The following MXD3 variants were observed in gnomAD, a reference collection of about 807,000 sequenced individuals.
MXD3 encodes MAX dimerization protein 3.
A neutral mutation model predicts 27.5 loss-of-function variants in MXD3; 20 were observed. The ratio of observed to expected loss-of-function variants is 0.73; its 90% CI spans 0.51 to 1.06. The LOEUF is 1.06. MXD3 is among the 50% of genes least tolerant of loss of function. MXD3 has a pLI of 0.00. For synonymous variants in MXD3, 150 were observed against 130.7 expected, an observed-to-expected ratio of 1.15 and a Z score of -1.01; for missense variants, 298 against 291.3, an observed-to-expected ratio of 1.02 and a Z score of -0.17.
chr5:177,307,235 T>A lies in MXD3; in HGVS notation c.*353A>T. Reference sequence around the variant, plus strand: ...TTATGAAAGAGGCTTTTAATGAAAATACTGTACAGTTTATGTGAGGCAAAG... The same window carrying A: ...TTATGAAAGAGGCTTTTAATGAAAAAACTGTACAGTTTATGTGAGGCAAAG... On this transcript the variant is annotated 3_prime_UTR_variant, in exon 6 of 6. Coordinates refer to ENST00000439742, the MANE Select transcript of MXD3 (RefSeq NM_031300.4). 4 of 1,551,670 alleles carry A rather than the reference T, an allele frequency of 2.6e-6. No individual in the cohort carries two copies. Among genetic ancestry groups the A allele is most frequent in the Non-Finnish European group, 3.5e-6 (4 of 1,146,970 alleles).
upstream of MXD3, chr5:177,312,706 A>G (rs77769272): frequency 3.7e-3 from 3,618 of 985,470 alleles, 97 homozygotes; most frequent in African/African-American, 0.054. Flanking sequence ...TCAGTGGGGT[A>G]ACAGCTTCCT....
downstream of MXD3, chr5:177,306,630 C>T (rs779506582): frequency 6.4e-7 from 1 of 1,555,864 alleles, no homozygotes; most frequent in South Asian, 1.2e-5. Context: ...GCCCTCCCTT[C>T]ATTGTACTTT....
At chr5:177,312,109 C>T, upstream of MXD3, 1 of 1,131,866 alleles carries the variant, frequency 8.8e-7, no homozygotes, top group Non-Finnish European at 1.1e-6. Context: ...TGGAGCGAAC[C>T]CTCAGGCTAA....
downstream of MXD3, chr5:177,306,744 C>G (rs1263919706): frequency 1.8e-6 from 2 of 1,094,388 alleles, no homozygotes; most frequent in Non-Finnish European, 2.6e-6. Flanking sequence ...CATGTCTGAG[C>G]CAGGTCTGCT....
At chr5:177,312,321 T>C (rs1761058246), upstream of MXD3, 1 of 986,526 alleles carries the variant, frequency 1.0e-6, no homozygotes, top group African/African-American at 1.7e-5. Flanking sequence ...CGCTCGCCCA[T>C]TCGCACATGG....
chr5:177,312,136 C>T (rs1253802442), upstream of MXD3: 38 of 1,078,544 alleles, frequency 3.5e-5, no homozygotes, highest in Non-Finnish European at 4.2e-5. Context: ...CTGCTTCTTG[C>T]CCGCCTCACT....
downstream of MXD3, chr5:177,305,902 A>T: frequency 1.2e-6 from 2 of 1,614,036 alleles, no homozygotes; most frequent in Non-Finnish European, 1.7e-6. Flanking sequence ...TACTGTGTGA[A>T]CTCTGACAAC....
At chr5:177,311,091 G>C (rs1329658921) in intron 2 of MXD3, 1 of 539,982 alleles carries the variant, frequency 1.9e-6, no homozygotes, top group Non-Finnish European at 3.3e-6. Context: ...GAAGCCAGCG[G>C]GGGAGGTGAG....
chr5:177,307,717 G>A lies in MXD3; in HGVS notation c.506-14C>T, dbSNP rs1448606880. On this transcript the variant is annotated splice_polypyrimidine_tract_variant and intron_variant, in intron 5 of 5. Transcript: ENST00000439742. ...CCTCCAGCTCCTCTGCGCGGGGAGG[G>A]GTCCGGTCAGAAGACCTGGCTCGCC... The A allele has an allele frequency of 1.2e-6, 2 of 1,613,620 alleles. No homozygotes were observed. The highest frequency in any genetic ancestry group is 1.3e-5 in the African/African-American group (1 of 74,936).
Position 177,311,370 on chromosome 5 carries a change from C to G in MXD3, c.176+9G>C. On this transcript the variant is annotated intron_variant, in intron 2 of 5. Transcript: ENST00000439742. Reference sequence around the variant, plus strand: ...CCACCCCCACTCCCGCCGCCCCCGGCCTCCTCACCGCCCGCTGTCCTGCGC... The same window carrying G: ...CCACCCCCACTCCCGCCGCCCCCGGGCTCCTCACCGCCCGCTGTCCTGCGC... 2 of 1,432,512 alleles carry G rather than the reference C, an allele frequency of 1.4e-6. No homozygotes were observed. Among genetic ancestry groups the G allele is most frequent in the East Asian group, 3.0e-5 (1 of 33,400 alleles). The allele number at this position is 1,432,512 out of a possible 1,614,324, so 88.7% of individuals were successfully genotyped here.
chr5:177,308,049 G>A (rs1191534919), intron 4 of MXD3, 85 bp from the exon 5 acceptor site: 14 of 1,279,698 alleles, frequency 1.1e-5, no homozygotes, highest in Admixed American at 5.8e-5. Flanking sequence ...ACCGGGCCAC[G>A]GCCACAGGGC....
At position 177,307,307 on chromosome 5, in the gene MXD3, T is replaced by A; in HGVS notation, c.*281A>T. 6.5e-7 allele frequency: 1 copy of A among 1,546,410 alleles called. No homozygotes were observed. Among genetic ancestry groups the A allele is most frequent in the Non-Finnish European group, 8.7e-7 (1 of 1,142,938 alleles). On this transcript the variant is annotated 3_prime_UTR_variant, in exon 6 of 6. Coordinates refer to ENST00000439742, the MANE Select transcript of MXD3 (RefSeq NM_031300.4). ...GGGAAGAGGCCCAAGAGGCTTCCTG[T>A]CCCCTTGGGGGCAGCAGAGCCAAAT...
chr5:177,307,950 C>A lies in MXD3; in HGVS notation c.336G>T (p.Gln112His). 2 of 1,564,784 alleles carry A rather than the reference C, an allele frequency of 1.3e-6. No individual in the cohort carries two copies. Among genetic ancestry groups the A allele is most frequent in the East Asian group, 4.6e-5 (2 of 43,416 alleles). ...ARMHIQKLED[Q>H]EQRARQLKER... is the part of the protein sequence containing the mutation. ...CCTTGAGCTGTCGGGCCCGCTGCTC[C>A]TGATCCTCCAGCTTCTGCGGATCCC... The change falls in exon 5 of 6, where the codon CAG (glutamine) becomes CAT (histidine). Residue 112 changes from glutamine (Q) to histidine (H), a missense_variant. By Grantham distance (24) the Gln-to-His change is conservative. Transcript: ENST00000439742.
downstream of MXD3, chr5:177,305,743 T>A: frequency 1.3e-6 from 1 of 750,306 alleles, no homozygotes; most frequent in Non-Finnish European, 2.2e-6. Flanking sequence ...CACTTGGAGG[T>A]GCAGTCAGGG....
chr5:177,310,176 A>G (rs1760999334), intron 4 of MXD3, among the ~76,000 whole-genome samples: 1 of 152,242 alleles, frequency 6.6e-6, no homozygotes, highest in African/African-American at 2.4e-5. Flanking sequence ...GATCTAAGTG[A>G]TAACAGCTGT....
downstream of MXD3, chr5:177,305,837 G>T: frequency 6.3e-7 from 1 of 1,582,656 alleles, no homozygotes; most frequent in Non-Finnish European, 8.7e-7. Context: ...CAAAATGAAA[G>T]ACTGTTCCAC....
At chr5:177,311,050 G>A (rs544970271) in intron 2 of MXD3, 2 of 557,084 alleles carry the variant, frequency 3.6e-6, no homozygotes, top group Non-Finnish European at 6.4e-6. Context: ...AACAGCATAT[G>A]CAAAGGGCTG....
chr5:177,312,626 T>G (rs933781488), upstream of MXD3: 1 of 985,460 alleles, frequency 1.0e-6, no homozygotes, highest in Non-Finnish European at 1.2e-6. Flanking sequence ...AGCTTCCTAC[T>G]GTGTCGAATG....
chr5:177,306,975 G>C, downstream of MXD3: 3 of 1,271,562 alleles, frequency 2.4e-6, no homozygotes, highest in Non-Finnish European at 3.2e-6. Flanking sequence ...GGAGTCGGAA[G>C]GCTCTGGTTT....
Sources: allele counts gnomAD v4.1 joint callset (sites outside exome capture counted in the v4.1 genomes callset), GRCh38; gene constraint gnomAD v4.1.1; transcripts MANE v1.5; gene names NCBI Gene and HGNC (gene_info 2026-07-23, HGNC 2026-07-21).